The following ANKRD24 variants were observed in gnomAD, a reference collection of about 807,000 sequenced individuals.
ANKRD24 encodes the protein ankyrin repeat domain 24.
A neutral mutation model predicts 127.8 loss-of-function variants in ANKRD24; 109 were observed. The ratio of observed to expected loss-of-function variants is 0.85; its 90% CI spans 0.73 to 1.00. The LOEUF (loss-of-function observed/expected upper bound fraction) is 1.00, where lower values mean the gene tolerates loss of function less well. ANKRD24 is among the 50% of genes least tolerant of loss of function. The pLI is 0.00. For missense variants in ANKRD24, 1,648 were observed against 1,570.2 expected (o/e 1.05, Z -0.84); for synonymous variants, 743 against 671.1 (o/e 1.11, Z -1.66).
chr19:4,198,038 G>C lies in ANKRD24; in HGVS notation c.37-1645G>C. 1 of 409,528 alleles carries C rather than the reference G, an allele frequency of 2.4e-6. No individual in the cohort carries two copies. Among genetic ancestry groups the C allele is most frequent in the Admixed American group, 4.4e-5 (1 of 22,696 alleles). 25.4% of individuals were successfully genotyped at this position (409,528 alleles called of 1,614,324 possible). ...GTGAGTGGCGAGAGCCCTGCCGGCC[G>C]CGTGGAGGTGCGAGGCTGCGGACGT... On this transcript the variant is annotated intron_variant, in intron 2 of 21. Transcript: ENST00000318934. The surrounding 1 kb of genome is among the most constrained non-coding windows in gnomAD (Gnocchi z 6.1).
At chr19:4,222,312 C>G (rs1209585846) in intron 19 of ANKRD24, among the ~76,000 whole-genome samples, 1 of 152,186 alleles carries the variant, frequency 6.6e-6, no homozygotes, top group African/African-American at 2.4e-5. Flanking sequence ...TTGCTTGAAC[C>G]TGGGAGGCGG....
chr19:4,210,262 C>T lies in ANKRD24; in HGVS notation c.952-3C>T. The stretch of plus-strand genomic sequence containing the variant: ...CTAAAGGCCGTGGTGGGGAGGGGAA[C>T]AGGATGATCGAGATGCCTATGAGGA... On this transcript the variant is annotated splice_polypyrimidine_tract_variant and splice_region_variant and intron_variant, in intron 12 of 21. Coordinates refer to ENST00000318934, the MANE Select transcript of ANKRD24 (RefSeq NM_001393985.1). 6.3e-7 allele frequency: 1 copy of T among 1,580,436 alleles called. No homozygotes were observed. Among genetic ancestry groups the T allele is most frequent in the Non-Finnish European group, 8.6e-7 (1 of 1,163,424 alleles).
intron 2 of ANKRD24, among the ~76,000 whole-genome samples, chr19:4,194,845 G>A (rs1038921863): frequency 7.9e-5 from 12 of 152,178 alleles, no homozygotes; most frequent in African/African-American, 2.9e-4. Context: ...GGGCTTGGCC[G>A]GTGGACCGAG....
At position 4,184,869 on chromosome 19, in the gene ANKRD24, T is replaced by C. The variant is rs533078359; in HGVS notation, c.-36-1521T>C. Among the ~76,000 whole-genome samples, 83 of 144,474 alleles carry C rather than the reference T, an allele frequency of 5.7e-4. 2 individuals carry two copies. In the South Asian group the frequency reaches 0.018, roughly 31 times the overall value. 94.8% of individuals were successfully genotyped at this position (144,474 alleles called of 152,430 possible). On this transcript the variant is annotated intron_variant, in intron 1 of 21. Coordinates refer to ENST00000318934, the MANE Select transcript of ANKRD24 (RefSeq NM_001393985.1). ...ATGGATGGATGGGTGGATGGATGAA[T>C]GGGTGGGTGATTGGGCAAATGGATG...
chr19:4,207,966 G>T lies in ANKRD24; in HGVS notation c.830G>T (p.Ser277Ile). 1.3e-6 allele frequency: 2 copies of T among 1,491,358 alleles called. No homozygotes were observed. Among genetic ancestry groups the T allele is most frequent in the Non-Finnish European group, 1.8e-6 (2 of 1,122,302 alleles). The allele number at this position is 1,491,358 out of a possible 1,614,324, so 92.4% of individuals were successfully genotyped here. A position where few individuals can be genotyped will look rare whatever the true frequency, so the allele number is the denominator to read the frequency against. Reference sequence around the variant, plus strand: ...GCGGCCCAGCGCCCCTCCCCACCCAGCGGTATGCAAGCCCCACCTCCCCAA... The same window carrying T: ...GCGGCCCAGCGCCCCTCCCCACCCATCGGTATGCAAGCCCCACCTCCCCAA... ...QEAAQRPSPP[S>I]ALTEDDSGEA... is the part of the protein sequence containing the mutation. The change falls in exon 10 of 22, where the codon AGC becomes ATC. Residue 277 changes from serine (S) to isoleucine (I), a missense_variant and splice_region_variant. Ser to Ile is a moderately radical substitution (Grantham distance 142). Coordinates refer to ENST00000318934, the MANE Select transcript of ANKRD24 (RefSeq NM_001393985.1).
rs1391557868 is a variant in ANKRD24 at position 4,199,222 on chromosome 19, C to T, written c.37-461C>T. The stretch of plus-strand genomic sequence containing the variant: ...GCTGGGGGCGATGTTGCAGGGGTGG[C>T]TTTCACTAAGGGATGAATTGGGGGA... On this transcript the variant is annotated intron_variant, in intron 2 of 21. Transcript: ENST00000318934. This position sits in a 1 kb window ranked among gnomAD's most constrained non-coding sequence, Gnocchi z 5.2. Among the ~76,000 whole-genome samples, 3 of 151,998 alleles carry T rather than the reference C, an allele frequency of 2.0e-5. No homozygotes were observed. Among genetic ancestry groups the T allele is most frequent in the South Asian group, 4.2e-4 (2 of 4,800 alleles).
chr19:4,217,468 G>A lies in ANKRD24; in HGVS notation c.2308G>A (p.Glu770Lys), dbSNP rs1050014730. Reference sequence around the variant, plus strand: ...AGGCCGGCTGCGAGAGCGTGTCCGCGAGGCCGAGGGCAGCGGGGCCAGCGG... The same window carrying A: ...AGGCCGGCTGCGAGAGCGTGTCCGCAAGGCCGAGGGCAGCGGGGCCAGCGG... ...EAGRLRERVR[E>K]AEGSGASGGG... The change falls in exon 18 of 22, where the codon GAG becomes AAG. Residue 770 changes from glutamate to lysine, a missense_variant. Glu to Lys is a moderately conservative substitution (Grantham distance 56). Transcript: ENST00000318934. 1.0e-5 allele frequency: 15 copies of A among 1,475,630 alleles called. No homozygotes were observed. In the Admixed American group the frequency reaches 1.1e-4, roughly 10 times the overall value. The allele number at this position is 1,475,630 out of a possible 1,614,324, so 91.4% of individuals were successfully genotyped here.
At position 4,199,979 on chromosome 19, in the gene ANKRD24, G is replaced by A. The variant is rs369715879; in HGVS notation, c.228G>A (p.Thr76=). ...ALIARKGLVP[T]KLDPEGKSAF... ...TCGCCCGCAAGGGGCTGGTGCCCAC[G>A]AAGCTAGACCCCGAGGGCAAGTCCG... The change falls in exon 4 of 22, where the codon ACG becomes ACA. Residue 76 remains threonine, a synonymous_variant. Coordinates refer to ENST00000318934, the MANE Select transcript of ANKRD24 (RefSeq NM_001393985.1). The surrounding 1 kb of genome is among the most constrained non-coding windows in gnomAD (Gnocchi z 5.2). 1.0e-5 allele frequency: 16 copies of A among 1,564,852 alleles called. No homozygotes were observed. The highest frequency in any genetic ancestry group is 2.4e-5 in the East Asian group (1 of 41,868).
At chr19:4,193,197 G>A (rs1193957675) in intron 2 of ANKRD24, among the ~76,000 whole-genome samples, 1 of 148,694 alleles carries the variant, frequency 6.7e-6, no homozygotes, top group Admixed American at 6.8e-5. Context: ...AGCTACTCAG[G>A]AGTCTGAGGC....
At chr19:4,221,823 G>A (rs1043824581) in intron 19 of ANKRD24, among the ~76,000 whole-genome samples, 3 of 152,122 alleles carry the variant, frequency 2.0e-5, no homozygotes, top group Non-Finnish European at 2.9e-5. Flanking sequence ...ACATAGGAGC[G>A]GGATCATTTC....
intron 5 of ANKRD24, among the ~76,000 whole-genome samples, chr19:4,201,801 C>T (rs1272053420): frequency 4.6e-5 from 7 of 152,088 alleles, no homozygotes; most frequent in East Asian, 3.8e-4. Flanking sequence ...ACAGGAGGAT[C>T]GCTTGAGCCT....
intron 19 of ANKRD24, among the ~76,000 whole-genome samples, chr19:4,221,154 C>T (rs1970419559): frequency 1.3e-5 from 2 of 151,730 alleles, no homozygotes; most frequent in Non-Finnish European, 2.9e-5. Context: ...TTTTGGCTCA[C>T]TGCAACCTCA....
At chr19:4,188,241 C>A (rs1304085968) in intron 2 of ANKRD24, among the ~76,000 whole-genome samples, 1 of 151,918 alleles carries the variant, frequency 6.6e-6, no homozygotes, top group East Asian at 1.9e-4. Flanking sequence ...CCATGCCCAG[C>A]TAATTTTGTA....
At position 4,198,159 on chromosome 19, in the gene ANKRD24, C is replaced by G. The variant is rs1400386287; in HGVS notation, c.37-1524C>G. 4 of 557,860 alleles carry G rather than the reference C, an allele frequency of 7.2e-6. No individual in the cohort carries two copies. Among genetic ancestry groups the G allele is most frequent in the Admixed American group, 3.3e-5 (1 of 30,198 alleles). 34.6% of individuals were successfully genotyped at this position (557,860 alleles called of 1,614,324 possible). On this transcript the variant is annotated intron_variant, in intron 2 of 21. Coordinates refer to ENST00000318934, the MANE Select transcript of ANKRD24 (RefSeq NM_001393985.1). The surrounding 1 kb of genome is among the most constrained non-coding windows in gnomAD (Gnocchi z 6.1). Reference sequence around the variant, plus strand: ...CTGGAGATGCAGCCGGCGGCCTGCGCTGGTGAGGGAGCCGGGCCCCCGGCG... The same window carrying G: ...CTGGAGATGCAGCCGGCGGCCTGCGGTGGTGAGGGAGCCGGGCCCCCGGCG...
In ANKRD24 at chr19:4,189,010, A is replaced by G. The variant is rs182383017; in HGVS notation, c.36+2549A>G. ...TTTTTAGTAGAGACAGGGTTTCACTATGTTGGTCAGGCTGGTCTCGAGCTT... is the reference window on the plus strand; with the variant it reads ...TTTTTAGTAGAGACAGGGTTTCACTGTGTTGGTCAGGCTGGTCTCGAGCTT... On this transcript the variant is annotated intron_variant, in intron 2 of 21. Coordinates refer to ENST00000318934, the MANE Select transcript of ANKRD24 (RefSeq NM_001393985.1). Among the ~76,000 whole-genome samples the G allele has an allele frequency of 5.3e-5, 8 of 150,218 alleles. No homozygotes were observed. In the East Asian group the frequency reaches 1.6e-3, roughly 31 times the overall value.
At chr19:4,183,123 C>G (rs1457769948) in intron 1 of ANKRD24, among the ~76,000 whole-genome samples, 2 of 152,026 alleles carry the variant, frequency 1.3e-5, no homozygotes, top group Non-Finnish European at 2.9e-5. Context: ...GGATTACAGG[C>G]GCCCGCCACC....
chr19:4,217,780 C>T lies in ANKRD24; in HGVS notation c.2620C>T (p.Leu874=). 7.6e-7 allele frequency: 1 copy of T among 1,316,140 alleles called. No homozygotes were observed. The highest frequency in any genetic ancestry group is 9.6e-7 in the Non-Finnish European group (1 of 1,036,862). 81.5% of individuals were successfully genotyped at this position (1,316,140 alleles called of 1,614,324 possible). The change falls in exon 18 of 22, where the codon CTG becomes TTG. Residue 874 remains leucine, a synonymous_variant. Coordinates refer to ENST00000318934, the MANE Select transcript of ANKRD24 (RefSeq NM_001393985.1). ...GCAGCAGCGCACGGCGGCCGCGGAA[C>T]TGGGCCGGGCACGGGACGCCGCTGA... ...GEQQRTAAAE[L]GRARDAAEAR...
intron 12 of ANKRD24, 59 bp downstream of exon 12, chr19:4,210,197 C>T: frequency 6.4e-7 from 1 of 1,566,422 alleles, no homozygotes; most frequent in Non-Finnish European, 8.7e-7. Flanking sequence ...CGGGGAGGGG[C>T]TCTGGCTGAG....
chr19:4,216,459 C>G, intron 17 of ANKRD24, 57 bp downstream of exon 17: 5 of 1,555,008 alleles, frequency 3.2e-6, no homozygotes, highest in Non-Finnish European at 4.4e-6. Context: ...TCCCTGAGGT[C>G]AGGGTGGGCA....
Sources: gnomAD v4.1 joint callset for allele counts (sites outside exome capture counted in the v4.1 genomes callset) on GRCh38, gnomAD v4.1.1 for gene constraint, Gnocchi (gnomAD v3.1) non-coding constraint, MANE v1.5 for transcripts, NCBI Gene and HGNC (gene_info 2026-07-23, HGNC 2026-07-21) for gene names.